IQGAP2: variants seen among roughly 807,000 people sequenced by gnomAD.
IQGAP2 encodes the protein IQ motif containing GTPase activating protein 2.
Under a neutral mutation model 201.3 loss-of-function variants are expected in IQGAP2, and 173 were observed. The observed-to-expected ratio is 0.86, with a 90% CI of 0.76 to 0.98. The LOEUF is 0.98. Ranked by LOEUF, IQGAP2 falls within the 50% of genes least tolerant of loss-of-function variation. The pLI is 0.00. For synonymous variants in IQGAP2, 675 were observed against 673.9 expected, an observed-to-expected ratio of 1.00 and a Z score of -0.03; for missense variants, 1,687 against 1,864.8, an observed-to-expected ratio of 0.90 and a Z score of 1.76.
At chr5:76,674,423 A>C (rs1744625136) in intron 26 of IQGAP2, 54 bp from the exon 27 acceptor site, 1 of 1,091,746 alleles carries the variant, frequency 9.2e-7, no homozygotes. Flanking sequence ...AAGAAAACTA[A>C]AACTCTTGAG....
intron 16 of IQGAP2, among the ~76,000 whole-genome samples, chr5:76,639,346 C>T (rs1751386495): frequency 6.6e-6 from 1 of 152,136 alleles, no homozygotes; most frequent in African/African-American, 2.4e-5. Context: ...GACACAGTCA[C>T]CGGTATCTCT....
chr5:76,429,977 G>A (rs1752275287), intron 1 of IQGAP2, among the ~76,000 whole-genome samples: 1 of 152,062 alleles, frequency 6.6e-6, no homozygotes, highest in South Asian at 2.1e-4. Context: ...GATATCTGTA[G>A]CCTGTGGGTG....
intron 3 of IQGAP2, among the ~76,000 whole-genome samples, chr5:76,563,712 A>G (rs1257608594): frequency 1.3e-5 from 2 of 151,968 alleles, no homozygotes; most frequent in African/African-American, 2.4e-5. Context: ...CTTGATCTTT[A>G]TTTTTTTAAT....
chr5:76,680,703 A>G (rs1214905110), intron 28 of IQGAP2, among the ~76,000 whole-genome samples: 1 of 149,936 alleles, frequency 6.7e-6, no homozygotes, highest in Non-Finnish European at 1.5e-5. Flanking sequence ...AGACAGGAGG[A>G]TCCCTTAAAG....
At chr5:76,415,021 C>T (rs965820131) in intron 1 of IQGAP2, among the ~76,000 whole-genome samples, 1 of 152,196 alleles carries the variant, frequency 6.6e-6, no homozygotes, top group African/African-American at 2.4e-5. Context: ...ACATCCTCAT[C>T]CTGTGGACAT....
intron 2 of IQGAP2, among the ~76,000 whole-genome samples, chr5:76,532,069 A>G (rs1759328624): frequency 6.6e-6 from 1 of 152,208 alleles, no homozygotes; most frequent in Admixed American, 6.5e-5. Flanking sequence ...TAATACTGTC[A>G]TATTCTGGGT....
chr5:76,597,911 G>A (rs887867711), intron 10 of IQGAP2, among the ~76,000 whole-genome samples: 33 of 152,242 alleles, frequency 2.2e-4, no homozygotes, highest in South Asian at 1.0e-3. Flanking sequence ...TAGCTATACC[G>A]ATGTGGTATT....
chr5:76,550,499 T>G lies in IQGAP2; in HGVS notation c.147-11897T>G, dbSNP rs534519926. Among the ~76,000 whole-genome samples the G allele has an allele frequency of 5.1e-3, 777 of 152,204 alleles. 12 individuals are homozygous for G. Among genetic ancestry groups the G allele is most frequent in the African/African-American group, 0.018 (746 of 41,506 alleles). Reference sequence around the variant, plus strand: ...GGTTTTCCTAGGCAGAGGACCCTGCTGCCTTCCGCAGTGTTTGTGTCCCTG... The same window carrying G: ...GGTTTTCCTAGGCAGAGGACCCTGCGGCCTTCCGCAGTGTTTGTGTCCCTG... On this transcript the variant is annotated intron_variant, in intron 2 of 35. Coordinates refer to ENST00000274364, the MANE Select transcript of IQGAP2 (RefSeq NM_006633.5).
chr5:76,582,917 C>T (rs559492026), intron 5 of IQGAP2, among the ~76,000 whole-genome samples: 3 of 152,280 alleles, frequency 2.0e-5, no homozygotes, highest in South Asian at 2.1e-4. Flanking sequence ...GTCAATGAGT[C>T]GGTAGCTACC....
chr5:76,649,524 A>AT (rs1330728385), intron 17 of IQGAP2, among the ~76,000 whole-genome samples: 1 of 152,128 alleles, frequency 6.6e-6, no homozygotes, highest in Non-Finnish European at 1.5e-5. Flanking sequence ...GAATAAATAC[A>AT]TTTTTCTACT....
rs1422814458 is a variant in IQGAP2, at chr5:76,462,583, C to T, written c.146+914C>T. On this transcript the variant is annotated intron_variant, in intron 2 of 35. Transcript: ENST00000274364. Reference sequence around the variant, plus strand: ...TTGAATGCTTTATGCCAGGGTGGAGCGACAGTATTGTTCCCTGGACAAAGA... The same window carrying T: ...TTGAATGCTTTATGCCAGGGTGGAGTGACAGTATTGTTCCCTGGACAAAGA... Among the ~76,000 whole-genome samples, 5 of 152,158 alleles carry T rather than the reference C, an allele frequency of 3.3e-5. No homozygotes were observed. In the South Asian group the frequency reaches 6.2e-4, roughly 19 times the overall value.
At chr5:76,453,320 T>C (rs1415088819) in intron 1 of IQGAP2, among the ~76,000 whole-genome samples, 1 of 152,234 alleles carries the variant, frequency 6.6e-6, no homozygotes, top group Admixed American at 6.5e-5. Context: ...TCTGTGTTTT[T>C]TTATTAACAC....
At chr5:76,609,761 T>G (rs1748113357) in intron 12 of IQGAP2, among the ~76,000 whole-genome samples, 1 of 151,940 alleles carries the variant, frequency 6.6e-6, no homozygotes, top group Non-Finnish European at 1.5e-5. Context: ...CTAGTTTCTT[T>G]AACAGTTCTT....
At chr5:76,439,872 G>A (rs1289608912) in intron 1 of IQGAP2, among the ~76,000 whole-genome samples, 1 of 152,080 alleles carries the variant, frequency 6.6e-6, no homozygotes, top group Non-Finnish European at 1.5e-5. Flanking sequence ...GAAATGTGAG[G>A]TACTGTTCCA....
chr5:76,445,281 T>C (rs1444820788), intron 1 of IQGAP2, among the ~76,000 whole-genome samples: 2 of 152,178 alleles, frequency 1.3e-5, no homozygotes, highest in Non-Finnish European at 2.9e-5. Flanking sequence ...CTCTGGCCAC[T>C]TGCCAGCTGA....
intron 2 of IQGAP2, among the ~76,000 whole-genome samples, chr5:76,551,624 A>T (rs1743534919): frequency 6.6e-6 from 1 of 150,726 alleles, no homozygotes; most frequent in Non-Finnish European, 1.5e-5. Context: ...AGGCCGAGGC[A>T]GGCAGATCAC....
chr5:76,405,541 TATCTC>T (rs1319000511), intron 1 of IQGAP2, among the ~76,000 whole-genome samples: 5 of 152,256 alleles, frequency 3.3e-5, no homozygotes, highest in African/African-American at 4.8e-5. Flanking sequence ...ATATGACAGT[TATCTC>T]ATTAAAATGA....
At chr5:76,504,551 G>T (rs1185020961) in intron 2 of IQGAP2, among the ~76,000 whole-genome samples, 1 of 152,108 alleles carries the variant, frequency 6.6e-6, no homozygotes, top group Non-Finnish European at 1.5e-5. Flanking sequence ...TGTAGCTCCA[G>T]CCCAGGCCAC....
At chr5:76,534,496 T>C (rs1759506429) in intron 2 of IQGAP2, among the ~76,000 whole-genome samples, 1 of 152,256 alleles carries the variant, frequency 6.6e-6, no homozygotes, top group Admixed American at 6.5e-5. Context: ...GAAAAGGTTC[T>C]ACATAATTAC....
Sources: gnomAD v4.1 joint callset for allele counts (sites outside exome capture counted in the v4.1 genomes callset) on GRCh38, gnomAD v4.1.1 for gene constraint, MANE v1.5 for transcripts, NCBI Gene and HGNC (gene_info 2026-07-23, HGNC 2026-07-21) for gene names.